Variants in LRRTM4 observed in about 807,000 individuals in gnomAD.
The protein encoded by LRRTM4 is leucine rich repeat transmembrane neuronal 4.
In LRRTM4, 25 loss-of-function variants were observed where a neutral mutation model predicts 47.6. The observed-to-expected ratio is 0.53, with a 90% confidence interval of 0.38 to 0.73. The LOEUF is 0.73. Ranked by LOEUF, LRRTM4 falls within the 30% of genes least tolerant of loss-of-function variation. The probability of loss-of-function intolerance (pLI) is 0.00; values close to 1 mark genes in which losing one functional copy is unlikely to be tolerated. For missense variants in LRRTM4, 638 were observed against 713.4 expected (o/e 0.89, Z 1.20); for synonymous variants, 311 against 269.5 (o/e 1.15, Z -1.51).
At chr2:76,955,609 A>T (rs150499309) in intron 3 of LRRTM4, among the ~76,000 whole-genome samples, 1 of 151,912 alleles carries the variant, frequency 6.6e-6, no homozygotes, top group African/African-American at 2.4e-5. Context: ...TGAGTTCTCA[A>T]TTCCCAATAC....
intron 3 of LRRTM4, among the ~76,000 whole-genome samples, chr2:77,067,684 C>T (rs913552740): frequency 6.4e-4 from 78 of 121,678 alleles, no homozygotes; most frequent in Non-Finnish European, 1.1e-3. Flanking sequence ...TTCAAAGATA[C>T]GTACACACAC....
intron 3 of LRRTM4, among the ~76,000 whole-genome samples, chr2:76,957,305 C>A (rs1675706528): frequency 1.3e-5 from 2 of 151,362 alleles, no homozygotes. Flanking sequence ...TTCAGTCATG[C>A]AAAATGAAAA....
chr2:77,237,167 A>AT (rs34136416), intron 3 of LRRTM4, among the ~76,000 whole-genome samples: 21,205 of 141,104 alleles, frequency 0.15, 2,550 homozygotes, highest in African/African-American at 0.34. Context: ...TTGTTGGGGG[A>AT]TTTTTTTTTT....
chr2:77,465,897 A>G (rs746556663), intron 3 of LRRTM4, among the ~76,000 whole-genome samples: 5 of 149,886 alleles, frequency 3.3e-5, no homozygotes, highest in African/African-American at 7.3e-5. Flanking sequence ...AAAAATACAT[A>G]CAGGGAGCTG....
At chr2:77,275,451 A>G (rs1402897860) in intron 3 of LRRTM4, among the ~76,000 whole-genome samples, 1 of 152,204 alleles carries the variant, frequency 6.6e-6, no homozygotes, top group Non-Finnish European at 1.5e-5. Context: ...ATGTTCTTGA[A>G]TATAAGTTTA....
chr2:77,475,308 C>T (rs535721640), intron 3 of LRRTM4, among the ~76,000 whole-genome samples: 82 of 152,060 alleles, frequency 5.4e-4, no homozygotes, highest in East Asian at 9.7e-4. Context: ...AGTTTAGGGG[C>T]GTATTTTTCC....
chr2:77,153,904 G>C (rs1672492388), intron 3 of LRRTM4, among the ~76,000 whole-genome samples: 1 of 152,138 alleles, frequency 6.6e-6, no homozygotes, highest in Admixed American at 6.5e-5. Context: ...CTGGTCCATA[G>C]TTGACATCTA....
chr2:76,788,725 A>G (rs112031870), intron 3 of LRRTM4, among the ~76,000 whole-genome samples: 2 of 152,324 alleles, frequency 1.3e-5, no homozygotes, highest in African/African-American at 4.8e-5. Flanking sequence ...TATCTATTCT[A>G]TCAATGTGAT....
chr2:77,273,076 C>A (rs1027642232), intron 3 of LRRTM4, among the ~76,000 whole-genome samples: 1 of 152,128 alleles, frequency 6.6e-6, no homozygotes, highest in Non-Finnish European at 1.5e-5. Context: ...AATGGGACCA[C>A]TTTAATCAAC....
At chr2:76,892,170 T>C (rs924312836) in intron 3 of LRRTM4, among the ~76,000 whole-genome samples, 4 of 151,620 alleles carry the variant, frequency 2.6e-5, no homozygotes, top group African/African-American at 9.7e-5. Context: ...ATATACTTAT[T>C]ATATGAAGAA....
intron 3 of LRRTM4, among the ~76,000 whole-genome samples, chr2:77,150,090 A>G (rs1291916783): frequency 6.6e-6 from 1 of 152,140 alleles, no homozygotes; most frequent in Non-Finnish European, 1.5e-5. Flanking sequence ...AAATACTTTG[A>G]TACAGAATTT....
chr2:76,774,104 G>T (rs1260703100), intron 3 of LRRTM4, among the ~76,000 whole-genome samples: 1 of 151,898 alleles, frequency 6.6e-6, no homozygotes, highest in Non-Finnish European at 1.5e-5. Flanking sequence ...CAAGAACATA[G>T]TCAATATATA....
intron 3 of LRRTM4, among the ~76,000 whole-genome samples, chr2:77,158,785 C>T (rs928799203): frequency 7.3e-5 from 11 of 150,362 alleles, no homozygotes; most frequent in South Asian, 2.1e-4. Flanking sequence ...GTGCTTTTTT[C>T]GTTTTTTTTT....
intron 3 of LRRTM4, among the ~76,000 whole-genome samples, chr2:77,085,939 A>C (rs1236797053): frequency 6.6e-6 from 1 of 152,164 alleles, no homozygotes; most frequent in Non-Finnish European, 1.5e-5. Flanking sequence ...AAAAGGAAGA[A>C]ATTTCTTTAT....
At chr2:76,857,311 T>TATATATATA (rs1231565899) in intron 3 of LRRTM4, among the ~76,000 whole-genome samples, 1 of 147,958 alleles carries the variant, frequency 6.8e-6, no homozygotes, top group African/African-American at 2.5e-5. Context: ...GTATATATAA[T>TATATATATA]ATATATATAA....
At chr2:77,336,183 G>T (rs1204866455) in intron 3 of LRRTM4, among the ~76,000 whole-genome samples, 1 of 139,258 alleles carries the variant, frequency 7.2e-6, no homozygotes, top group Non-Finnish European at 1.5e-5. Context: ...AAGGAAGGAA[G>T]AAAGGAAAGA....
intron 3 of LRRTM4, among the ~76,000 whole-genome samples, chr2:76,791,333 C>A (rs1029184117): frequency 5.3e-5 from 8 of 152,150 alleles, no homozygotes; most frequent in Admixed American, 3.3e-4. Context: ...AAGACACTTG[C>A]TCCAACATTC....
intron 3 of LRRTM4, among the ~76,000 whole-genome samples, chr2:77,033,638 T>C (rs1048975038): frequency 3.3e-5 from 5 of 151,948 alleles, no homozygotes; most frequent in Middle Eastern, 3.2e-3. Context: ...TAATTCTCCA[T>C]ATTTGTAGTG....
chr2:77,394,697 G>C (rs1353442021), intron 3 of LRRTM4, among the ~76,000 whole-genome samples: 1 of 151,902 alleles, frequency 6.6e-6, no homozygotes, highest in Non-Finnish European at 1.5e-5. Flanking sequence ...GAACATGCAG[G>C]TTACGTACAA....
Sources: allele counts gnomAD v4.1 joint callset (sites outside exome capture counted in the v4.1 genomes callset), GRCh38; gene constraint gnomAD v4.1.1; transcripts MANE v1.5; gene names NCBI Gene and HGNC (gene_info 2026-07-23, HGNC 2026-07-21).